The following COL8A1 variants were observed in gnomAD, a reference collection of about 807,000 sequenced individuals.
The protein encoded by COL8A1 is collagen alpha-1(VIII) chain.
In COL8A1, 21 loss-of-function variants were observed where a neutral mutation model predicts 42.7. The ratio of observed to expected loss-of-function variants is 0.49; its 90% CI spans 0.35 to 0.71. COL8A1 has a LOEUF of 0.71. Ranked by LOEUF, COL8A1 falls within the 30% of genes least tolerant of loss-of-function variation. The pLI is 0.01. For missense variants in COL8A1, 788 were observed against 962.4 expected (o/e 0.82, Z 2.40); for synonymous variants, 367 against 369.1 (o/e 0.99, Z 0.06).
chr3:99,694,861 C>A (rs932189956), intron 1 of COL8A1, among the ~76,000 whole-genome samples: 1 of 152,132 alleles, frequency 6.6e-6, no homozygotes, highest in Middle Eastern at 3.2e-3. Flanking sequence ...AAGAACTGAG[C>A]AAAATGCATA....
rs573420485 is a variant in COL8A1, at chr3:99,658,532, T to C, written c.-129+19868T>C. Among the ~76,000 whole-genome samples the C allele has an allele frequency of 2.4e-4, 36 of 152,308 alleles. No individual in the cohort carries two copies. In the South Asian group the frequency reaches 3.7e-3, roughly 16 times the overall value. On this transcript the variant is annotated intron_variant, in intron 1 of 3. Coordinates refer to ENST00000652472, the MANE Select transcript of COL8A1 (RefSeq NM_020351.4). Reference sequence around the variant, plus strand: ...ACTAACTGTCTCCATGGCTAGCCTGTAAACCAAGTTACAGCCTGATTTGAG... The same window carrying C: ...ACTAACTGTCTCCATGGCTAGCCTGCAAACCAAGTTACAGCCTGATTTGAG...
At chr3:99,685,406 T>G (rs1939020464) in intron 1 of COL8A1, 1 of 152,246 alleles carries the variant, frequency 6.6e-6, no homozygotes, top group Non-Finnish European at 1.5e-5. Context: ...ATTATTTCTA[T>G]CCTTGCTAAT....
Position 99,795,131 on chromosome 3 carries a change from T to C in COL8A1, c.1230T>C (p.Pro410=). Residue 410 remains proline (P), a synonymous_variant, in exon 4 of 4, where the codon CCT becomes CCC. Coordinates refer to ENST00000652472, the MANE Select transcript of COL8A1 (RefSeq NM_020351.4). The part of the protein sequence containing the change: ...PMGPPGAIGF[P]GPKGEGGIVG... ...GCCCTCCAGGTGCTATTGGTTTTCC[T>C]GGACCCAAAGGAGAAGGTGGGATTG... 1 of 1,613,544 alleles carries C rather than the reference T, an allele frequency of 6.2e-7. No individual in the cohort carries two copies. The highest frequency in any genetic ancestry group is 8.5e-7 in the Non-Finnish European group (1 of 1,179,776).
chr3:99,744,386 T>C (rs1940976746), intron 1 of COL8A1, among the ~76,000 whole-genome samples: 1 of 152,228 alleles, frequency 6.6e-6, no homozygotes, highest in Admixed American at 6.5e-5. Context: ...ACAAAGTTTA[T>C]TCAACTAGTT....
At chr3:99,721,907 A>T (rs1416832178) in intron 1 of COL8A1, among the ~76,000 whole-genome samples, 1 of 151,574 alleles carries the variant, frequency 6.6e-6, no homozygotes, top group Non-Finnish European at 1.5e-5. Flanking sequence ...GCGGGTGGTG[A>T]TGTGGCTAAC....
At chr3:99,659,665 T>C (rs1484330137) in intron 1 of COL8A1, among the ~76,000 whole-genome samples, 1 of 152,182 alleles carries the variant, frequency 6.6e-6, no homozygotes, top group East Asian at 1.9e-4. Context: ...GTATTCCTTG[T>C]TTTGATCTTG....
At chr3:99,677,387 A>T (rs751124387) in intron 1 of COL8A1, among the ~76,000 whole-genome samples, 4 of 152,140 alleles carry the variant, frequency 2.6e-5, no homozygotes, top group Admixed American at 6.6e-5. Flanking sequence ...CTATTTGAAA[A>T]TTCACCAGTC....
intron 1 of COL8A1, among the ~76,000 whole-genome samples, chr3:99,659,272 C>T (rs924435718): frequency 6.6e-6 from 1 of 152,152 alleles, no homozygotes; most frequent in Non-Finnish European, 1.5e-5. Flanking sequence ...GTCATGTGTA[C>T]GTGGAGGAGC....
At chr3:99,763,284 G>A (rs1178020554) in intron 2 of COL8A1, among the ~76,000 whole-genome samples, 2 of 152,120 alleles carry the variant, frequency 1.3e-5, no homozygotes, top group Non-Finnish European at 2.9e-5. Flanking sequence ...ATATTTCATT[G>A]TCATAAATTT....
intron 2 of COL8A1, among the ~76,000 whole-genome samples, chr3:99,763,635 AAAC>A (rs1223690376): frequency 6.6e-6 from 1 of 152,112 alleles, no homozygotes; most frequent in East Asian, 1.9e-4. Context: ...TGGAAAAAAA[AAAC>A]AAACTTTCCC....
rs1368253873 is a variant in COL8A1, at chr3:99,708,529, C to T, written c.-128-36368C>T. Among the ~76,000 whole-genome samples, 3 of 150,382 alleles carry T rather than the reference C, an allele frequency of 2.0e-5. No homozygotes were observed. In the East Asian group the frequency reaches 5.8e-4, roughly 29 times the overall value. On this transcript the variant is annotated intron_variant, in intron 1 of 3. Transcript: ENST00000652472. ...TCCACCCGAGGCTGGAGCCCACTTC[C>T]TCCGCCCTTCTTTGATCTCTGAAGA...
intron 1 of COL8A1, chr3:99,679,643 C>T (rs533831020): frequency 6.6e-6 from 1 of 152,294 alleles, no homozygotes; most frequent in East Asian, 1.9e-4. Flanking sequence ...AGTCATTTAA[C>T]CTCTCTAAGT....
intron 1 of COL8A1, among the ~76,000 whole-genome samples, chr3:99,693,687 A>G (rs1939287079): frequency 6.6e-6 from 1 of 152,260 alleles, no homozygotes; most frequent in South Asian, 2.1e-4. Context: ...AAAAAATTAA[A>G]AGGAAGAAAT....
At position 99,744,325 on chromosome 3, in the gene COL8A1, T is replaced by A. The variant is rs139188930; in HGVS notation, c.-128-572T>A. On this transcript the variant is annotated intron_variant, in intron 1 of 3. Transcript: ENST00000652472. ...GTTAAATTTCTGAAATACATTTTAA[T>A]TGGAGACAAGTCCCATATGCTTTGT... is the stretch of plus-strand genomic sequence containing the variant. 7.2e-3 allele frequency among the ~76,000 whole-genome samples: 1,095 copies of A among 152,378 alleles called. 8 individuals are homozygous for A. Among genetic ancestry groups the A allele is most frequent in the Non-Finnish European group, 0.011 (772 of 68,040 alleles).
intron 3 of COL8A1, among the ~76,000 whole-genome samples, chr3:99,793,627 C>T (rs1469639910): frequency 6.6e-6 from 1 of 152,114 alleles, no homozygotes; most frequent in African/African-American, 2.4e-5. Context: ...AATGTTTCTT[C>T]TTCATTACTT....
intron 1 of COL8A1, among the ~76,000 whole-genome samples, chr3:99,645,041 A>G (rs887610337): frequency 1.3e-5 from 2 of 152,212 alleles, no homozygotes; most frequent in African/African-American, 4.8e-5. Flanking sequence ...TTCAAATATT[A>G]ACAGCTGACC....
intron 2 of COL8A1, among the ~76,000 whole-genome samples, chr3:99,773,837 A>ATATATATATATATATTTTT (rs1200212756): frequency 1.5e-4 from 7 of 45,400 alleles, no homozygotes; most frequent in African/African-American, 5.1e-4. Flanking sequence ...ATATATATAT[A>ATATATATATATATATTTTT]TTTTTTTTTT....
intron 1 of COL8A1, among the ~76,000 whole-genome samples, chr3:99,689,693 T>G (rs115305152): frequency 0.014 from 2,129 of 152,338 alleles, 24 homozygotes; most frequent in Non-Finnish European, 0.023. Context: ...TATTTAACAT[T>G]CATCCATGTG....
intron 1 of COL8A1, among the ~76,000 whole-genome samples, chr3:99,645,659 A>G (rs1937627560): frequency 6.6e-6 from 1 of 151,656 alleles, no homozygotes; most frequent in Non-Finnish European, 1.5e-5. Context: ...GCTAAAATGT[A>G]TGCCATTGTA....
Sources: allele counts gnomAD v4.1 joint callset (sites outside exome capture counted in the v4.1 genomes callset), GRCh38; gene constraint gnomAD v4.1.1; transcripts MANE v1.5; gene names NCBI Gene and HGNC (gene_info 2026-07-23, HGNC 2026-07-21).